PCDH15: variants seen among roughly 807,000 people sequenced by gnomAD.
The protein encoded by PCDH15 is protocadherin-15.
In PCDH15, 129 loss-of-function variants were observed where a neutral mutation model predicts 178.5. The ratio of observed to expected loss-of-function variants is 0.72; its 90% confidence interval spans 0.63 to 0.84. The LOEUF is 0.84. Among genes scored for constraint, PCDH15 ranks in the 40% least tolerant of loss-of-function variants. The pLI is 0.00. For missense variants in PCDH15, 2,230 were observed against 2,099.9 expected (o/e 1.06, Z -1.21); for synonymous variants, 800 against 732.0 (o/e 1.09, Z -1.50).
chr10:53,926,385 T>A (rs978361892), intron 25 of PCDH15, among the ~76,000 whole-genome samples: 3 of 152,226 alleles, frequency 2.0e-5, no homozygotes, highest in African/African-American at 7.2e-5. Flanking sequence ...ATTTCCATTT[T>A]CCATTTCCAG....
chr10:55,374,438 A>G (rs1845575180), intron 2 of PCDH15, among the ~76,000 whole-genome samples: 1 of 152,072 alleles, frequency 6.6e-6, no homozygotes, highest in African/African-American at 2.4e-5. Flanking sequence ...GTTTTCCTTG[A>G]GGACTCCATT....
chr10:54,898,261 G>A (rs1954580318), intron 2 of PCDH15, among the ~76,000 whole-genome samples: 1 of 152,032 alleles, frequency 6.6e-6, no homozygotes, highest in African/African-American at 2.4e-5. Context: ...CTAACACATA[G>A]TACATATATT....
chr10:54,941,520 C>G (rs1184613300), intron 2 of PCDH15, among the ~76,000 whole-genome samples: 2 of 151,900 alleles, frequency 1.3e-5, no homozygotes, highest in African/African-American at 4.8e-5. Context: ...TTAAATATTT[C>G]TTTTAGTTCT....
In PCDH15 at chr10:55,334,310, A is replaced by ATTT. The variant is rs200598257; in HGVS notation, c.-155-167660_-155-167659insAAA. On this transcript the variant is annotated intron_variant, in intron 2 of 5. Transcript: ENST00000613346. Reference sequence around the variant, plus strand: ...TATGTGTATATATCTATATATATATATATATTTTTTTTTTGAGACAGAGTT... The same window carrying ATTT: ...TATGTGTATATATCTATATATATATATTTTATATTTTTTTTTTGAGACAGAGTT... Among the ~76,000 whole-genome samples, 24 of 125,964 alleles carry ATTT rather than the reference A, an allele frequency of 1.9e-4. 1 individual carries two copies. Among genetic ancestry groups the ATTT allele is most frequent in the African/African-American group, 8.0e-4 (23 of 28,620 alleles). 82.6% of individuals were successfully genotyped at this position (125,964 alleles called of 152,430 possible). A position where few individuals can be genotyped will look rare whatever the true frequency, so the allele number is the denominator to read the frequency against.
rs143149062 is a variant in PCDH15 at position 53,866,659 on chromosome 10, C to T, written c.3700G>A (p.Gly1234Ser). 25 of 1,613,370 alleles carry T rather than the reference C, an allele frequency of 1.5e-5. No individual in the cohort carries two copies. The highest frequency in any genetic ancestry group is 1.1e-5 in the Non-Finnish European group (13 of 1,179,628). The part of the protein sequence containing the change: ...ATDDYGKGLS[G>S]KADVLVSVVN... ...CTACTTACGAGTACATCGGCTTTGCCGCTCAGTCCCTTCCCATAGTCGTCA... is the reference window on the plus strand; with the variant it reads ...CTACTTACGAGTACATCGGCTTTGCTGCTCAGTCCCTTCCCATAGTCGTCA... The change falls in exon 27 of 38, where the codon GGC becomes AGC. Residue 1234 changes from glycine (G) to serine (S), a missense_variant. Physicochemically the swap from Gly to Ser is moderately conservative, Grantham distance 56. Coordinates refer to ENST00000644397, the MANE Select transcript of PCDH15 (RefSeq NM_001384140.1).
intron 2 of PCDH15, among the ~76,000 whole-genome samples, chr10:54,579,659 C>T (rs1256425009): frequency 6.6e-6 from 1 of 151,938 alleles, no homozygotes; most frequent in Non-Finnish European, 1.5e-5. Context: ...AGCACTCTAC[C>T]CATCAACCAC....
chr10:54,769,515 G>A (rs1948859956), intron 1 of PCDH15, among the ~76,000 whole-genome samples: 1 of 151,098 alleles, frequency 6.6e-6, no homozygotes, highest in African/African-American at 2.4e-5. Flanking sequence ...ATTAGTGTGT[G>A]CGTCACCAAG....
intron 2 of PCDH15, among the ~76,000 whole-genome samples, chr10:55,325,782 T>C (rs1844015061): frequency 6.6e-6 from 1 of 151,736 alleles, no homozygotes; most frequent in Non-Finnish European, 1.5e-5. Context: ...AACAACACAA[T>C]CTATCAACAG....
At chr10:55,153,641 C>T in intron 2 of PCDH15, among the ~76,000 whole-genome samples, 1 of 152,124 alleles carries the variant, frequency 6.6e-6, no homozygotes, top group East Asian at 1.9e-4. Flanking sequence ...GCTAAACTCC[C>T]CTTTACTTGT....
At chr10:54,779,514 GTATA>G (rs771066981) in intron 1 of PCDH15, among the ~76,000 whole-genome samples, 7 of 136,614 alleles carry the variant, frequency 5.1e-5, no homozygotes, top group South Asian at 2.4e-4. Flanking sequence ...ATATATGTGT[GTATA>G]TATATATACA....
chr10:54,082,107 G>T (rs900140316), intron 16 of PCDH15, among the ~76,000 whole-genome samples: 15 of 152,158 alleles, frequency 9.9e-5, no homozygotes, highest in Admixed American at 9.8e-4. Context: ...TGACACTATG[G>T]TCTTTGTTTC....
chr10:54,428,897 C>A (rs536066220), intron 3 of PCDH15, among the ~76,000 whole-genome samples: 2 of 152,310 alleles, frequency 1.3e-5, no homozygotes, highest in East Asian at 3.9e-4. Flanking sequence ...AAGACCTTCA[C>A]AGATAAACAA....
At chr10:55,169,441 C>T (rs1839274609) in intron 1 of PCDH15, among the ~76,000 whole-genome samples, 1 of 152,154 alleles carries the variant, frequency 6.6e-6, no homozygotes, top group African/African-American at 2.4e-5. Flanking sequence ...TATTTAACTA[C>T]ATTTCAACCC....
intron 15 of PCDH15, among the ~76,000 whole-genome samples, chr10:54,100,305 C>T (rs1590418398): frequency 6.6e-6 from 1 of 151,052 alleles, no homozygotes; most frequent in African/African-American, 2.4e-5. Flanking sequence ...GCAGAGGTTA[C>T]AGTCAGCCAA....
intron 2 of PCDH15, among the ~76,000 whole-genome samples, chr10:54,908,103 G>A (rs1954757507): frequency 6.6e-6 from 1 of 152,232 alleles, no homozygotes; most frequent in Admixed American, 6.5e-5. Flanking sequence ...CTTTGCCTGA[G>A]TTTTGCTCTG....
chr10:54,378,602 A>G (rs544318878), intron 4 of PCDH15, among the ~76,000 whole-genome samples, 180 bp downstream of exon 4: 113 of 152,288 alleles, frequency 7.4e-4, no homozygotes, highest in African/African-American at 2.6e-3. Flanking sequence ...ACGGTTCTCC[A>G]GGACACAGAT....
At position 55,416,980 on chromosome 10, in the gene PCDH15, G is replaced by A. The variant is rs1295289725; in HGVS notation, c.-156+210645C>T. ...TCTAACAGGGACTATAAAGACATAT[G>A]AAAAGCAAAAGGGTGTCAGTAAAAG... On this transcript the variant is annotated intron_variant, in intron 2 of 5. Coordinates refer to the PCDH15 transcript ENST00000613346. Among the ~76,000 whole-genome samples the A allele has an allele frequency of 2.6e-5, 4 of 151,746 alleles. No individual in the cohort carries two copies. The Admixed American group carries it at 2.6e-4, about 10-fold the overall frequency.
chr10:55,440,738 C>A lies in PCDH15; in HGVS notation c.-156+186887G>T, dbSNP rs1839164949. 2.0e-5 allele frequency among the ~76,000 whole-genome samples: 3 copies of A among 152,236 alleles called. No individual in the cohort carries two copies. In the South Asian group the frequency reaches 6.2e-4, roughly 32 times the overall value. On this transcript the variant is annotated intron_variant, in intron 2 of 5. Transcript: ENST00000613346. The stretch of plus-strand genomic sequence containing the variant: ...GGGCATGTATCAGTCCGTTTTCACA[C>A]TGCTGATAAAGACATACCTGAGACT...
chr10:54,850,959 A>G (rs1953609820), intron 3 of PCDH15, among the ~76,000 whole-genome samples: 1 of 152,202 alleles, frequency 6.6e-6, no homozygotes, highest in African/African-American at 2.4e-5. Context: ...AGCATGGAAG[A>G]GTAAGATGAT....
Sources: gnomAD v4.1 joint callset for allele counts (sites outside exome capture counted in the v4.1 genomes callset) on GRCh38, gnomAD v4.1.1 for gene constraint, MANE v1.5 for transcripts, NCBI Gene and HGNC (gene_info 2026-07-23, HGNC 2026-07-21) for gene names.